COL25A1: variants seen among roughly 807,000 people sequenced by gnomAD.
The protein encoded by COL25A1 is collagen type XXV alpha 1 chain.
In COL25A1, 103 loss-of-function variants were observed where a neutral mutation model predicts 128.4. The observed-to-expected ratio is 0.80, with a 90% CI of 0.68 to 0.94. The LOEUF (loss-of-function observed/expected upper bound fraction) is 0.94. Among genes scored for constraint, COL25A1 ranks in the 40% least tolerant of loss-of-function variants. The probability of loss-of-function intolerance (pLI) is 0.00; values close to 1 mark genes in which losing one functional copy is unlikely to be tolerated. For synonymous variants in COL25A1, 279 were observed against 277.2 expected (o/e 1.01, Z -0.06); for missense variants, 745 against 840.0 (o/e 0.89, Z 1.40).
chr4:108,943,481 T>G (rs1748378450), intron 8 of COL25A1, among the ~76,000 whole-genome samples: 1 of 152,162 alleles, frequency 6.6e-6, no homozygotes, highest in Non-Finnish European at 1.5e-5. Flanking sequence ...TCTCTCCTGT[T>G]TCAGGAATTC....
At chr4:109,198,607 A>G (rs1776312413) in intron 3 of COL25A1, among the ~76,000 whole-genome samples, 1 of 152,066 alleles carries the variant, frequency 6.6e-6, no homozygotes, top group Admixed American at 6.6e-5. Context: ...CAGCAATAAC[A>G]CCCTGATTGC....
intron 33 of COL25A1, among the ~76,000 whole-genome samples, chr4:108,825,704 T>C (rs1326990239): frequency 2.0e-5 from 3 of 152,232 alleles, no homozygotes; most frequent in African/African-American, 4.8e-5. Context: ...GAATCAATGC[T>C]ACTTTAATTT....
At chr4:108,885,599 T>C (rs1199893530) in intron 18 of COL25A1, among the ~76,000 whole-genome samples, 1 of 152,216 alleles carries the variant, frequency 6.6e-6, no homozygotes, top group African/African-American at 2.4e-5. Flanking sequence ...TTTGATCTTC[T>C]TTTACTTTCT....
rs757705710 is a variant in COL25A1 at position 109,259,279 on chromosome 4, G to A, written c.367+41304C>T. ...ACAATGAGAAAAAAAATCAATGAAG[G>A]TTTTTAGATACTAAATCCCATTTTT... On this transcript the variant is annotated intron_variant, in intron 3 of 37. Coordinates refer to ENST00000399132, the MANE Select transcript of COL25A1 (RefSeq NM_198721.4). Among the ~76,000 whole-genome samples, 191 of 152,048 alleles carry A rather than the reference G, an allele frequency of 1.3e-3. 2 individuals are homozygous for A. Among genetic ancestry groups the A allele is most frequent in the Non-Finnish European group, 2.4e-3 (162 of 68,010 alleles).
chr4:109,220,575 T>C (rs910594451), intron 3 of COL25A1, among the ~76,000 whole-genome samples: 3 of 152,206 alleles, frequency 2.0e-5, no homozygotes, highest in Non-Finnish European at 4.4e-5. Flanking sequence ...TAATATTGTA[T>C]ACATAGCAGT....
chr4:109,093,366 T>C (rs1579341769), intron 3 of COL25A1, among the ~76,000 whole-genome samples: 1 of 150,194 alleles, frequency 6.7e-6, no homozygotes, highest in East Asian at 2.0e-4. Context: ...ATGCCTATAA[T>C]CTCAGTACTT....
At chr4:109,072,853 AGGGG>A (rs1230315308) in intron 3 of COL25A1, among the ~76,000 whole-genome samples, 1 of 152,166 alleles carries the variant, frequency 6.6e-6, no homozygotes, top group Admixed American at 6.6e-5. Flanking sequence ...ATAACTCTAC[AGGGG>A]GCCCACATAA....
At chr4:109,072,215 A>G (rs990093529) in intron 3 of COL25A1, among the ~76,000 whole-genome samples, 20 of 152,222 alleles carry the variant, frequency 1.3e-4, no homozygotes, top group Admixed American at 5.9e-4. Flanking sequence ...GTATTGAAAT[A>G]TATAATACTT....
chr4:108,913,086 T>G (rs1475940045), intron 13 of COL25A1, among the ~76,000 whole-genome samples: 1 of 151,962 alleles, frequency 6.6e-6, no homozygotes, highest in Non-Finnish European at 1.5e-5. Flanking sequence ...TCTTTTTTTT[T>G]GGAAACAATC....
intron 3 of COL25A1, among the ~76,000 whole-genome samples, chr4:109,159,930 A>C (rs1038319345): frequency 2.0e-5 from 3 of 152,180 alleles, no homozygotes; most frequent in Non-Finnish European, 4.4e-5. Flanking sequence ...CCAAACAAAG[A>C]TTGCTAGTGA....
intron 3 of COL25A1, among the ~76,000 whole-genome samples, chr4:109,127,645 A>T (rs1040205776): frequency 2.6e-5 from 4 of 152,040 alleles, no homozygotes; most frequent in Admixed American, 6.6e-5. Flanking sequence ...TTACTTTCTG[A>T]GCTTTAGATT....
At chr4:108,898,939 CCACTAATTAACAGTTTGAAAAAA>C (rs1742473731) in intron 15 of COL25A1, among the ~76,000 whole-genome samples, 192 bp downstream of exon 15, 1 of 152,066 alleles carries the variant, frequency 6.6e-6, no homozygotes, top group Non-Finnish European at 1.5e-5. Context: ...TTTCCTCCTT[CCACTAATTAACAGTTTGAAAAAA>C]CACAGGAGTC....
In COL25A1 at chr4:108,901,228, A is replaced by C; in HGVS notation, c.781-56T>G. The C allele has an allele frequency of 2.5e-6, 3 of 1,184,332 alleles. No homozygotes were observed. In the South Asian group the frequency reaches 3.7e-5, roughly 15 times the overall value. The allele number at this position is 1,184,332 out of a possible 1,614,324, so 73.4% of individuals were successfully genotyped here. Reference sequence around the variant, plus strand: ...AAAATAGACAAAATCAATACATTACATGGATCATTAGAGGAGACAGCCATC... The same window carrying C: ...AAAATAGACAAAATCAATACATTACCTGGATCATTAGAGGAGACAGCCATC... On this transcript the variant is annotated intron_variant, in intron 13 of 37. Coordinates refer to ENST00000399132, the MANE Select transcript of COL25A1 (RefSeq NM_198721.4).
Position 108,945,056 on chromosome 4 carries a change from T to TA in COL25A1, c.493-3620dup, listed in dbSNP as rs199690235. Among the ~76,000 whole-genome samples the TA allele has an allele frequency of 9.7e-3, 1,470 of 152,166 alleles. 14 individuals carry two copies. Among genetic ancestry groups the TA allele is most frequent in the Admixed American group, 0.025 (385 of 15,274 alleles). ...GGACCCTGTGCTTTTCAAACTGGGG[T>TA]AAAAGTAACCCTCAGAGTATATGCC... On this transcript the variant is annotated intron_variant, in intron 8 of 37. Coordinates refer to ENST00000399132, the MANE Select transcript of COL25A1 (RefSeq NM_198721.4).
intron 19 of COL25A1, among the ~76,000 whole-genome samples, chr4:108,881,377 G>A (rs531549291): frequency 6.6e-6 from 1 of 152,070 alleles, no homozygotes; most frequent in Non-Finnish European, 1.5e-5. Flanking sequence ...GGTATGTCAT[G>A]ACTGGTTTCC....
chr4:109,246,861 C>T (rs530447833), intron 3 of COL25A1, among the ~76,000 whole-genome samples: 8 of 152,106 alleles, frequency 5.3e-5, no homozygotes, highest in South Asian at 4.2e-4. Context: ...TTCAAGCTTA[C>T]GTGGAAAATG....
chr4:108,957,467 C>T (rs1379873596), intron 8 of COL25A1, among the ~76,000 whole-genome samples: 1 of 152,060 alleles, frequency 6.6e-6, no homozygotes, highest in African/African-American at 2.4e-5. Flanking sequence ...TTTCTATAAA[C>T]CACTGAAGGA....
At chr4:108,979,641 C>T (rs115626626) in intron 6 of COL25A1, among the ~76,000 whole-genome samples, 1,875 of 152,270 alleles carry the variant, frequency 0.012, 40 homozygotes, top group African/African-American at 0.042. Context: ...GTTATGACTT[C>T]TATCCCAGGA....
At chr4:108,931,440 A>C (rs1378764813) in intron 11 of COL25A1, among the ~76,000 whole-genome samples, 3 of 152,206 alleles carry the variant, frequency 2.0e-5, no homozygotes, top group Non-Finnish European at 4.4e-5. Context: ...AAGGAAAACA[A>C]AATTAAGTAA....
Sources: allele counts gnomAD v4.1 joint callset (sites outside exome capture counted in the v4.1 genomes callset), GRCh38; gene constraint gnomAD v4.1.1; transcripts MANE v1.5; gene names NCBI Gene and HGNC (gene_info 2026-07-23, HGNC 2026-07-21).